The following CLEC6A variants were observed in gnomAD, a reference collection of about 807,000 sequenced individuals.
CLEC6A encodes C-type lectin domain containing 6A, also known as C-type lectin domain family 6 member A.
CLEC6A carries 22 observed loss-of-function variants against 25.7 expected under a neutral mutation model. That is an observed-to-expected ratio of 0.85 (90% CI 0.61 to 1.22). The LOEUF (loss-of-function observed/expected upper bound fraction) is 1.22, where lower values mean the gene tolerates loss of function less well. Among genes scored for constraint, CLEC6A ranks in the 50% most tolerant of loss-of-function variants. The pLI, the probability that CLEC6A is intolerant of heterozygous loss-of-function variation, is 0.00. For synonymous variants in CLEC6A, 92 were observed against 76.7 expected (o/e 1.20, Z -1.04); for missense variants, 240 against 236.8 (o/e 1.01, Z -0.09).
At chr12:8,474,391 T>C (rs1026869785) in intron 4 of CLEC6A, among the ~76,000 whole-genome samples, 9 of 152,186 alleles carry the variant, frequency 5.9e-5, no homozygotes, top group Non-Finnish European at 1.3e-4. Context: ...GATGTTTGGC[T>C]TGATTTCTAG....
intron 3 of CLEC6A, among the ~76,000 whole-genome samples, chr12:8,460,364 C>G (rs1385606953): frequency 2.0e-5 from 3 of 152,144 alleles, no homozygotes; most frequent in Non-Finnish European, 4.4e-5. Flanking sequence ...GAATGAGAGC[C>G]AAGTGAGATG....
At chr12:8,469,783 T>A (rs1032004735) in intron 4 of CLEC6A, among the ~76,000 whole-genome samples, 3 of 152,104 alleles carry the variant, frequency 2.0e-5, no homozygotes, top group Admixed American at 2.0e-4. Context: ...AAAAATCAAC[T>A]CAAGGTGGAT....
intron 4 of CLEC6A, 25 bp from the exon 5 acceptor site, chr12:8,476,100 G>T: frequency 3.4e-6 from 5 of 1,455,334 alleles, no homozygotes; most frequent in South Asian, 1.1e-5. Context: ...CAAAGTCTTT[G>T]ACTCCTTTTT....
intron 4 of CLEC6A, among the ~76,000 whole-genome samples, chr12:8,467,609 G>T (rs1939849698): frequency 6.6e-6 from 1 of 152,146 alleles, no homozygotes; most frequent in Non-Finnish European, 1.5e-5. Flanking sequence ...AAGATATTTT[G>T]AAATCAGGAA....
intron 1 of CLEC6A, among the ~76,000 whole-genome samples, chr12:8,457,513 G>T (rs1466182745): frequency 6.6e-6 from 1 of 152,174 alleles, no homozygotes; most frequent in African/African-American, 2.4e-5. Flanking sequence ...CTTGGCTACT[G>T]TGAATAGTGC....
Position 8,455,983 on chromosome 12 carries a change from C to T in CLEC6A, c.-129C>T. On this transcript the variant is annotated 5_prime_UTR_variant, in exon 1 of 6. Coordinates refer to ENST00000382073, the MANE Select transcript of CLEC6A (RefSeq NM_001007033.2). ...ACTTAATGTTGGAAGTCTCTTAGTCCTATAAGAGTGTGTAGCAGTTTGTCC... is the reference window on the plus strand; with the variant it reads ...ACTTAATGTTGGAAGTCTCTTAGTCTTATAAGAGTGTGTAGCAGTTTGTCC... 2.8e-6 allele frequency: 2 copies of T among 718,118 alleles called. No individual in the cohort carries two copies. The highest frequency in any genetic ancestry group is 1.7e-5 in the African/African-American group (1 of 57,220). 44.5% of individuals were successfully genotyped at this position (718,118 alleles called of 1,614,324 possible).
At chr12:8,456,285 T>A in intron 1 of CLEC6A, 143 bp downstream of exon 1, 1 of 779,232 alleles carries the variant, frequency 1.3e-6, no homozygotes, top group Non-Finnish European at 2.1e-6. Context: ...AAAGAAAGAG[T>A]AATTCTTCAG....
intron 4 of CLEC6A, among the ~76,000 whole-genome samples, chr12:8,474,453 T>A (rs767319681): frequency 1.3e-5 from 2 of 152,256 alleles, no homozygotes; most frequent in Non-Finnish European, 2.9e-5. Context: ...AGCAGTACTC[T>A]AATGTTTTGG....
rs775982428 is a variant in CLEC6A at position 8,457,999 on chromosome 12, A to T, written c.121+12A>T. 6.3e-7 allele frequency: 1 copy of T among 1,581,576 alleles called. No individual in the cohort carries two copies. Among genetic ancestry groups the T allele is most frequent in the South Asian group, 1.1e-5 (1 of 90,326 alleles). On this transcript the variant is annotated intron_variant, in intron 2 of 5. Transcript: ENST00000382073. The stretch of plus-strand genomic sequence containing the variant: ...TGTGAGCTGTGTAGGTAAGTTCTTC[A>T]CTGAGGTGCATTTTCCTTGCTTCCT...
chr12:8,458,338 T>C (rs1368369151), intron 2 of CLEC6A, among the ~76,000 whole-genome samples: 1 of 152,228 alleles, frequency 6.6e-6, no homozygotes, highest in African/African-American at 2.4e-5. Flanking sequence ...GCAACTCTAA[T>C]TGCTGTCATA....
intron 4 of CLEC6A, among the ~76,000 whole-genome samples, chr12:8,466,007 G>A (rs1000186176): frequency 2.0e-5 from 3 of 152,030 alleles, no homozygotes; most frequent in African/African-American, 7.2e-5. Context: ...TTTCACTTTA[G>A]GGCTGAATAA....
intron 4 of CLEC6A, 125 bp downstream of exon 4, chr12:8,465,754 A>T: frequency 2.7e-6 from 2 of 738,920 alleles, no homozygotes; most frequent in Non-Finnish European, 3.9e-6. Flanking sequence ...TGGGTAACAG[A>T]TCTCTAGAAC....
chr12:8,477,313 C>G lies in CLEC6A; in HGVS notation c.486-7C>G, dbSNP rs752704093. 6.3e-7 allele frequency: 1 copy of G among 1,598,036 alleles called. No homozygotes were observed. Among genetic ancestry groups the G allele is most frequent in the Non-Finnish European group, 8.5e-7 (1 of 1,174,128 alleles). On this transcript the variant is annotated splice_region_variant and splice_polypyrimidine_tract_variant and intron_variant, in intron 5 of 5. Transcript: ENST00000382073. ...AAGATGTGTACTACCTTTTTGTTTT[C>G]CTTTAGATTTTGGCACCTAGGTGAG...
intron 4 of CLEC6A, among the ~76,000 whole-genome samples, chr12:8,474,201 G>A (rs1939941754): frequency 1.3e-5 from 2 of 151,960 alleles, no homozygotes; most frequent in Non-Finnish European, 2.9e-5. Flanking sequence ...TCTTATATTT[G>A]AGGTCATATA....
chr12:8,460,481 C>T (rs2136357558), intron 3 of CLEC6A: 1 of 601,222 alleles, frequency 1.7e-6, no homozygotes, highest in African/African-American at 1.9e-5. Context: ...CAGGGTCCCT[C>T]TCACAGCACG....
chr12:8,459,963 ATTAT>A (rs1399598629), intron 3 of CLEC6A, among the ~76,000 whole-genome samples: 3 of 152,216 alleles, frequency 2.0e-5, no homozygotes, highest in South Asian at 2.1e-4. Context: ...AACCCTGGAA[ATTAT>A]TTATAACAAT....
chr12:8,475,830 TA>T (rs201799278), intron 4 of CLEC6A, among the ~76,000 whole-genome samples: 2 of 150,774 alleles, frequency 1.3e-5, no homozygotes, highest in Admixed American at 6.6e-5. Flanking sequence ...ACATATAAAA[TA>T]AAAAAAAAGA....
At chr12:8,459,558 A>G in intron 2 of CLEC6A, 39 bp from the exon 3 acceptor site, 2 of 1,336,456 alleles carry the variant, frequency 1.5e-6, no homozygotes, top group Non-Finnish European at 2.2e-6. Context: ...TTTATAGCAA[A>G]ATAATAGATG....
Position 8,465,564 on chromosome 12 carries a change from A to C in CLEC6A, c.304A>C (p.Lys102Gln), listed in dbSNP as rs1486232000. The C allele has an allele frequency of 6.2e-7, 1 of 1,614,104 alleles. No homozygotes were observed. The highest frequency in any genetic ancestry group is 2.2e-5 in the East Asian group (1 of 44,872). The part of the protein sequence containing the change: ...FISSEEKVWS[K>Q]SEQNCVEMGA... Reference sequence around the variant, plus strand: ...TTCCAGTGAAGAGAAGGTTTGGTCTAAGAGTGAGCAGAACTGTGTTGAGAT... The same window carrying C: ...TTCCAGTGAAGAGAAGGTTTGGTCTCAGAGTGAGCAGAACTGTGTTGAGAT... The change falls in exon 4 of 6, where the codon AAG becomes CAG. Residue 102 changes from lysine (K) to glutamine (Q), a missense_variant. Lys to Gln is a moderately conservative substitution (Grantham distance 53, BLOSUM62 1). Coordinates refer to ENST00000382073, the MANE Select transcript of CLEC6A (RefSeq NM_001007033.2).
Sources: gnomAD v4.1 joint callset for allele counts (sites outside exome capture counted in the v4.1 genomes callset) on GRCh38, gnomAD v4.1.1 for gene constraint, MANE v1.5 for transcripts, NCBI Gene and HGNC (gene_info 2026-07-23, HGNC 2026-07-21) for gene names.